Variants in TM4SF1 observed in about 807,000 individuals in gnomAD.
The protein encoded by TM4SF1 is transmembrane 4 L6 family member 1.
Under a neutral mutation model 24.5 loss-of-function variants are expected in TM4SF1, and 20 were observed. The ratio of observed to expected loss-of-function variants is 0.82; its 90% CI spans 0.57 to 1.19. The LOEUF (loss-of-function observed/expected upper bound fraction) is 1.19, where lower values mean the gene tolerates loss of function less well. Ranked by LOEUF, TM4SF1 falls within the 50% of genes most tolerant of loss-of-function variation. The pLI is 0.00. For synonymous variants in TM4SF1, 107 were observed against 95.4 expected, an observed-to-expected ratio of 1.12 and a Z score of -0.71; for missense variants, 258 against 248.1, an observed-to-expected ratio of 1.04 and a Z score of -0.27.
chr3:149,369,562 A>G lies in TM4SF1; in HGVS notation c.*304T>C. 3.7e-6 allele frequency: 1 copy of G among 273,862 alleles called. No homozygotes were observed. 17.0% of individuals were successfully genotyped at this position (273,862 alleles called of 1,614,324 possible). Reference sequence around the variant, plus strand: ...AGTGATTGGAATGTTATTTTTATCCAAAACATTATAGAGTTTATCTCAGAT... The same window carrying G: ...AGTGATTGGAATGTTATTTTTATCCGAAACATTATAGAGTTTATCTCAGAT... On this transcript the variant is annotated 3_prime_UTR_variant, in exon 5 of 5. Transcript: ENST00000305366.
At chr3:149,377,023 C>T (rs557456517) in intron 1 of TM4SF1, among the ~76,000 whole-genome samples, 28 of 152,152 alleles carry the variant, frequency 1.8e-4, no homozygotes, top group Non-Finnish European at 3.8e-4. Context: ...ACCAGCCAAC[C>T]CCTTCCGGCT....
intron 1 of TM4SF1, 67 bp from the exon 2 acceptor site, chr3:149,375,836 C>T (rs1731938910): frequency 7.1e-7 from 1 of 1,415,030 alleles, no homozygotes; most frequent in East Asian, 2.3e-5. Context: ...GGTTAGGCAT[C>T]TCTTGGTAAA....
intron 1 of TM4SF1, among the ~76,000 whole-genome samples, chr3:149,376,715 T>C (rs1050663817): frequency 2.0e-5 from 3 of 152,204 alleles, no homozygotes; most frequent in African/African-American, 4.8e-5. Flanking sequence ...TCACATTCTT[T>C]CCATGCTGTG....
rs1156612135 is a variant in TM4SF1 at position 149,375,430 on chromosome 3, A to G, written c.413+13T>C. The G allele has an allele frequency of 6.2e-7, 1 of 1,614,020 alleles. No homozygotes were observed. The highest frequency in any genetic ancestry group is 8.5e-7 in the Non-Finnish European group (1 of 1,179,946). On this transcript the variant is annotated intron_variant, in intron 3 of 4. Transcript: ENST00000305366. ...GATAAAAATGTGTAGCCATGTAGAG[A>G]GTAATTACATACTGGCCCTCAGTGC... is the stretch of plus-strand genomic sequence containing the variant.
chr3:149,369,922 A>C, intron 4 of TM4SF1, 42 bp from the exon 5 acceptor site: 1 of 1,585,988 alleles, frequency 6.3e-7, no homozygotes. Flanking sequence ...AATCAGGATA[A>C]ATAATGATGA....
At chr3:149,374,854 A>C (rs1731910393) in intron 3 of TM4SF1, among the ~76,000 whole-genome samples, 1 of 152,204 alleles carries the variant, frequency 6.6e-6, no homozygotes, top group Admixed American at 6.5e-5. Context: ...AAAATGTATT[A>C]CACTTAATCA....
At position 149,375,499 on chromosome 3, in the gene TM4SF1, T is replaced by C. The variant is rs747500190; in HGVS notation, c.357A>G (p.Pro119=). The C allele has an allele frequency of 3.4e-5, 55 of 1,614,090 alleles. No homozygotes were observed. Among genetic ancestry groups the C allele is most frequent in the Non-Finnish European group, 1.8e-5 (21 of 1,180,048 alleles). ...ACTGGCCGAGGGAATCAAGACATAG[T>C]GGTCCTTCTGCTAAGCCAAGGGCTG... ...IVAALGLAEG[P]LCLDSLGQWN... Residue 119 remains proline (P), a synonymous_variant, in exon 3 of 5, where the codon CCA becomes CCG. Coordinates refer to ENST00000305366, the MANE Select transcript of TM4SF1 (RefSeq NM_014220.3).
At position 149,375,733 on chromosome 3, in the gene TM4SF1, G is replaced by A; in HGVS notation, c.214C>T (p.Gln72Ter). 1.2e-6 allele frequency: 2 copies of A among 1,614,186 alleles called. No individual in the cohort carries two copies. Among genetic ancestry groups the A allele is most frequent in the South Asian group, 1.1e-5 (1 of 91,088 alleles). Reference protein sequence around the residue: ...LPAFVFIGLEQDDCCGCCGHE... With the variant: ...LPAFVFIGLE ...CCACAGCAGCCACAGCAGTCATCCT[G>A]TTCCAGCCCAATGAAGACAAATGCT... is the stretch of plus-strand genomic sequence containing the variant. Residue 72 changes from glutamine (Q) to a stop codon, truncating the protein, a stop_gained, in exon 2 of 5, where the codon CAG (glutamine) becomes TAG (stop). Coordinates refer to ENST00000305366, the MANE Select transcript of TM4SF1 (RefSeq NM_014220.3). LOFTEE classifies it high-confidence loss of function.
rs766968576 is a variant in TM4SF1 at position 149,377,409 on chromosome 3, C to T, written c.139G>A (p.Val47Met). 61 of 1,614,000 alleles carry T rather than the reference C, an allele frequency of 3.8e-5. No homozygotes were observed. The Middle Eastern group carries it at 8.2e-4, about 22-fold the overall frequency. Residue 47 changes from valine (V) to methionine (M), a missense_variant, in exon 1 of 5, where the codon GTG becomes ATG. Val to Met is a conservative substitution (Grantham distance 21). Transcript: ENST00000305366. ...YASENHLSRFVWFFSGIVGGG... is the reference protein window; with the variant it reads ...YASENHLSRFMWFFSGIVGGG... ...CCTACGATGCCAGAAAAGAACCACA[C>T]GAAGCGGCTGAGGTGGTTTTCGGAG...
chr3:149,375,695 A>G lies in TM4SF1; in HGVS notation c.252T>C (p.Cys84=), dbSNP rs145699705. The change falls in exon 2 of 5, where the codon TGT becomes TGC. Residue 84 remains cysteine (C), a synonymous_variant. Coordinates refer to ENST00000305366, the MANE Select transcript of TM4SF1 (RefSeq NM_014220.3). ...DCCGCCGHEN[C]GKRCAMLSSV... ...GAGGACCTACCGCACATCGTTTGCC[A>G]CAGTTTTCATGGCCACAGCAGCCAC... is the stretch of plus-strand genomic sequence containing the variant. The G allele has an allele frequency of 1.1e-4, 172 of 1,614,106 alleles. No individual in the cohort carries two copies. Among genetic ancestry groups the G allele is most frequent in the Non-Finnish European group, 1.3e-4 (158 of 1,180,048 alleles).
intron 3 of TM4SF1, 64 bp downstream of exon 3, chr3:149,375,379 A>G: frequency 3.2e-6 from 5 of 1,579,234 alleles, no homozygotes; most frequent in Non-Finnish European, 4.3e-6. Context: ...CTGGTTTGAT[A>G]GAGCTGCCAC....
intron 1 of TM4SF1, 98 bp downstream of exon 1, chr3:149,377,273 A>C: frequency 6.9e-7 from 1 of 1,449,392 alleles, no homozygotes; most frequent in South Asian, 1.4e-5. Context: ...AAGTCACTTG[A>C]TTTAGAAATA....
At chr3:149,371,392 C>A in intron 4 of TM4SF1, 1 of 558,308 alleles carries the variant, frequency 1.8e-6, no homozygotes, top group Non-Finnish European at 3.2e-6. Flanking sequence ...TCTGTCTCTG[C>A]AGCGAGAGCA....
At chr3:149,370,064 C>T (rs373583636) in intron 4 of TM4SF1, 184 bp from the exon 5 acceptor site, 1 of 625,758 alleles carries the variant, frequency 1.6e-6, no homozygotes, top group Non-Finnish European at 2.6e-6. Flanking sequence ...ACCCAGATCC[C>T]TTGTCTTCCA....
chr3:149,371,684 T>C lies in TM4SF1; in HGVS notation c.594+3A>G. The C allele has an allele frequency of 6.2e-7, 1 of 1,614,118 alleles. No homozygotes were observed. The highest frequency in any genetic ancestry group is 8.5e-7 in the Non-Finnish European group (1 of 1,179,952). On this transcript the variant is annotated splice_donor_region_variant and intron_variant, in intron 4 of 4. Transcript: ENST00000305366. The stretch of plus-strand genomic sequence containing the variant: ...ACTACGACATTTTCATGCAGGTTCT[T>C]ACCTGTTGGTGAGAGCAGCAAAAGC...
chr3:149,376,009 AG>A (rs1158647396), intron 1 of TM4SF1, among the ~76,000 whole-genome samples: 1 of 152,216 alleles, frequency 6.6e-6, no homozygotes, highest in Non-Finnish European at 1.5e-5. Flanking sequence ...ACATGGGAGG[AG>A]TAAAATAATA....
intron 1 of TM4SF1, 45 bp downstream of exon 1, chr3:149,377,326 T>A: frequency 6.4e-7 from 1 of 1,563,476 alleles, no homozygotes; most frequent in Non-Finnish European, 8.6e-7. Context: ...AATGAAAACA[T>A]CTAGGAAACA....
At chr3:149,377,350 T>C in intron 1 of TM4SF1, 21 bp downstream of exon 1, 1 of 1,607,672 alleles carries the variant, frequency 6.2e-7, no homozygotes, top group Non-Finnish European at 8.5e-7. Flanking sequence ...GAGAATTCAG[T>C]AATAATCCTG....
intron 3 of TM4SF1, 74 bp from the exon 4 acceptor site, chr3:149,371,941 TG>T (rs752757059): frequency 5.6e-6 from 8 of 1,420,134 alleles, no homozygotes; most frequent in East Asian, 4.8e-5. Context: ...TTTTGTTTGG[TG>T]GTTTTTCATT....
Sources: gnomAD v4.1 joint callset for allele counts (sites outside exome capture counted in the v4.1 genomes callset) on GRCh38, gnomAD v4.1.1 for gene constraint, MANE v1.5 for transcripts, NCBI Gene and HGNC (gene_info 2026-07-23, HGNC 2026-07-21) for gene names.